IKBKB: variants seen among roughly 807,000 people sequenced by gnomAD.
IKBKB encodes inhibitor of nuclear factor kappa B kinase subunit beta, also known as inhibitor of nuclear factor kappa-B kinase subunit beta.
In IKBKB, 42 loss-of-function variants were observed where a neutral mutation model predicts 113.6. The ratio of observed to expected loss-of-function variants is 0.37; its 90% CI spans 0.29 to 0.48. The LOEUF is 0.48. Ranked by LOEUF, IKBKB falls within the 20% of genes least tolerant of loss-of-function variation. The pLI is 0.99. For missense variants in IKBKB, 673 were observed against 939.7 expected, an observed-to-expected ratio of 0.72 and a Z score of 3.71; for synonymous variants, 296 against 361.3, an observed-to-expected ratio of 0.82 and a Z score of 2.05.
In IKBKB at chr8:42,331,544, C is replaced by T. The variant is rs199674990; in HGVS notation, c.*565C>T. 16 of 612,288 alleles carry T rather than the reference C, an allele frequency of 2.6e-5. No homozygotes were observed. Among genetic ancestry groups the T allele is most frequent in the Middle Eastern group, 4.2e-4 (1 of 2,370 alleles). 37.9% of individuals were successfully genotyped at this position (612,288 alleles called of 1,614,324 possible). On this transcript the variant is annotated 3_prime_UTR_variant, in exon 22 of 22. Coordinates refer to ENST00000520810, the MANE Select transcript of IKBKB (RefSeq NM_001556.3). ...TAAACAGACAGTTTAATTATAGTTG[C>T]GGCCTGGCCCCATCCTCACTTCCTC...
In IKBKB at chr8:42,331,079, C is replaced by T. The variant is rs199682340; in HGVS notation, c.*100C>T. The T allele has an allele frequency of 1.2e-5, 19 of 1,567,960 alleles. No individual in the cohort carries two copies. Among genetic ancestry groups the T allele is most frequent in the Admixed American group, 3.5e-5 (2 of 57,224 alleles). ...ACATGGGGCTGCCTGGAGCAGGCCG[C>T]GTGACGTGGGGCTGCCTGGCCGCGG... is the stretch of plus-strand genomic sequence containing the variant. On this transcript the variant is annotated 3_prime_UTR_variant, in exon 22 of 22. Coordinates refer to ENST00000520810, the MANE Select transcript of IKBKB (RefSeq NM_001556.3).
At position 42,302,455 on chromosome 8, in the gene IKBKB, A is replaced by T. The variant is rs184988182; in HGVS notation, c.389-2732A>T. Among the ~76,000 whole-genome samples, 633 of 152,326 alleles carry T rather than the reference A, an allele frequency of 4.2e-3. 5 individuals carry two copies. Among genetic ancestry groups the T allele is most frequent in the Non-Finnish European group, 2.5e-3 (171 of 68,036 alleles). ...AACCACATGGTCGAAGGCTGGACTT[A>T]AAAGAGCAGATGCAAGGAGAGATCT... On this transcript the variant is annotated intron_variant, in intron 5 of 21. Transcript: ENST00000520810.
At chr8:42,295,124 T>TG (rs1813467025) in intron 5 of IKBKB, among the ~76,000 whole-genome samples, 1 of 120,062 alleles carries the variant, frequency 8.3e-6, no homozygotes, top group Admixed American at 8.3e-5. Context: ...GTCTTTTTTT[T>TG]TTTTTTTTTT....
At chr8:42,309,063 C>T (rs757578650) in intron 8 of IKBKB, 38 bp downstream of exon 8, 4 of 1,597,188 alleles carry the variant, frequency 2.5e-6, no homozygotes, top group Non-Finnish European at 2.6e-6. Flanking sequence ...AGGAGGGAGC[C>T]TGTCTGTTCC....
chr8:42,320,557 G>A, intron 15 of IKBKB, 178 bp from the exon 16 acceptor site: 1 of 547,898 alleles, frequency 1.8e-6, no homozygotes, highest in East Asian at 3.4e-5. Context: ...CAGCTAGAAA[G>A]CGGTGGACCC....
Position 42,309,034 on chromosome 8 carries a change from G to GC in IKBKB, c.692+12dup, listed in dbSNP as rs777521309. The GC allele has an allele frequency of 1.2e-5, 19 of 1,611,938 alleles. No homozygotes were observed. Among genetic ancestry groups the GC allele is most frequent in the Non-Finnish European group, 1.5e-5 (18 of 1,178,938 alleles). ...TGGCAGCCCGTGCAGTGGTGAGTGG[G>GC]CCCGGGGCACCTGGATGGAGGAGGG... On this transcript the variant is annotated intron_variant, in intron 8 of 21. Coordinates refer to ENST00000520810, the MANE Select transcript of IKBKB (RefSeq NM_001556.3).
intron 20 of IKBKB, among the ~76,000 whole-genome samples, chr8:42,327,095 T>C (rs556467026): frequency 4.6e-5 from 7 of 152,316 alleles, no homozygotes; most frequent in African/African-American, 1.7e-4. Context: ...TTTAAATGGG[T>C]GAGCTTTATG....
chr8:42,316,418 G>C lies in IKBKB; in HGVS notation c.930+79G>C. ...CATGCAGTTCTTAGGACAGAGCAGG[G>C]GATGGGGCCAGCTGACCTAGTGAGG... On this transcript the variant is annotated intron_variant, in intron 10 of 21. Coordinates refer to ENST00000520810, the MANE Select transcript of IKBKB (RefSeq NM_001556.3). The surrounding 1 kb of genome is among the most constrained non-coding windows in gnomAD (Gnocchi z 4.5). The C allele has an allele frequency of 6.5e-7, 1 of 1,550,268 alleles. No homozygotes were observed. Among genetic ancestry groups the C allele is most frequent in the Non-Finnish European group, 8.8e-7 (1 of 1,136,642 alleles).
At chr8:42,273,307 CA>C (rs1808217742) in intron 2 of IKBKB, among the ~76,000 whole-genome samples, 1 of 149,550 alleles carries the variant, frequency 6.7e-6, no homozygotes, top group African/African-American at 2.5e-5. Flanking sequence ...TTCAGCTACT[CA>C]GGAGGCTGAG....
In IKBKB at chr8:42,326,026, T is replaced by C. The variant is rs755909304; in HGVS notation, c.2043T>C (p.Leu681=). 1 of 1,614,206 alleles carries C rather than the reference T, an allele frequency of 6.2e-7. No individual in the cohort carries two copies. Among genetic ancestry groups the C allele is most frequent in the East Asian group, 2.2e-5 (1 of 44,888 alleles). Residue 681 remains leucine (L), a synonymous_variant, in exon 20 of 22, where the codon CTT becomes CTC. Transcript: ENST00000520810. ...GSPDSMNASR[L]SQPGQLMSQP... ...CGGATAGCATGAATGCCTCTCGACT[T>C]AGCCAGCCTGGGCAGCTGATGTCTC... is the stretch of plus-strand genomic sequence containing the variant.
chr8:42,329,655 A>G, intron 21 of IKBKB: 1 of 985,368 alleles, frequency 1.0e-6, no homozygotes, highest in Non-Finnish European at 1.2e-6. Flanking sequence ...CATTGTTCCC[A>G]GAAGCCTGTC....
At chr8:42,318,268 A>G (rs1819068805) in intron 12 of IKBKB, among the ~76,000 whole-genome samples, 1 of 152,124 alleles carries the variant, frequency 6.6e-6, no homozygotes, top group African/African-American at 2.4e-5. Context: ...GTCTCAAAAA[A>G]AAAAAAAAAA....
chr8:42,283,986 G>A (rs1236802448), intron 2 of IKBKB, among the ~76,000 whole-genome samples: 1 of 152,166 alleles, frequency 6.6e-6, no homozygotes, highest in Non-Finnish European at 1.5e-5. Context: ...CGGGGCCATC[G>A]GTCTCTGTTT....
intron 5 of IKBKB, among the ~76,000 whole-genome samples, chr8:42,303,083 G>A (rs1267125643): frequency 6.9e-6 from 1 of 145,730 alleles, no homozygotes; most frequent in African/African-American, 2.7e-5. Context: ...GAGAGAGAGA[G>A]AGAGAGAATG....
At chr8:42,314,041 G>A (rs1818216187) in intron 8 of IKBKB, 2 of 374,496 alleles carry the variant, frequency 5.3e-6, no homozygotes, top group East Asian at 1.0e-4. Context: ...TTATAATACT[G>A]TATTTTTACT....
intron 5 of IKBKB, among the ~76,000 whole-genome samples, chr8:42,304,712 G>C (rs1453679797): frequency 6.6e-6 from 1 of 152,086 alleles, no homozygotes; most frequent in Non-Finnish European, 1.5e-5. Context: ...TGTCCCCAAG[G>C]GCCCTTCCTC....
chr8:42,331,796 A>G lies in IKBKB; in HGVS notation c.*817A>G, dbSNP rs1289431815. 3.5e-6 allele frequency: 1 copy of G among 287,550 alleles called. No homozygotes were observed. The highest frequency in any genetic ancestry group is 6.7e-6 in the Non-Finnish European group (1 of 148,762). The allele number at this position is 287,550 out of a possible 1,614,324, so 17.8% of individuals were successfully genotyped here. A position where few individuals can be genotyped will look rare whatever the true frequency, so the allele number is the denominator to read the frequency against. The stretch of plus-strand genomic sequence containing the variant: ...ACAGAAAGGGTATCTGCTGACCACC[A>G]GCCTGCCTACCCATGCCCATGTCTC... On this transcript the variant is annotated 3_prime_UTR_variant, in exon 22 of 22. Transcript: ENST00000520810.
intron 2 of IKBKB, among the ~76,000 whole-genome samples, chr8:42,273,606 A>C (rs907430412): frequency 6.6e-6 from 1 of 152,004 alleles, no homozygotes; most frequent in Admixed American, 6.6e-5. Context: ...GGGTCTTGCT[A>C]TGTTGCCCAG....
At chr8:42,306,107 G>A (rs1193430204) in intron 6 of IKBKB, among the ~76,000 whole-genome samples, 4 of 152,212 alleles carry the variant, frequency 2.6e-5, no homozygotes, top group African/African-American at 7.2e-5. Flanking sequence ...CTGATGATGC[G>A]TGGCAGAGTG....
Sources: allele counts gnomAD v4.1 joint callset (sites outside exome capture counted in the v4.1 genomes callset), GRCh38; gene constraint gnomAD v4.1.1; non-coding constraint Gnocchi (gnomAD v3.1); transcripts MANE v1.5; gene names NCBI Gene and HGNC (gene_info 2026-07-23, HGNC 2026-07-21).